Variants in KLHL2 observed in about 807,000 individuals in gnomAD.
KLHL2 encodes the protein kelch like family member 2.
In KLHL2, 15 loss-of-function variants were observed where a neutral mutation model predicts 75.8. The ratio of observed to expected loss-of-function variants is 0.20; its 90% CI spans 0.13 to 0.30. KLHL2 has a LOEUF of 0.30. KLHL2 is among the 10% of genes least tolerant of loss of function. The pLI is 1.00. For synonymous variants in KLHL2, 214 were observed against 251.9 expected (o/e 0.85, Z 1.42); for missense variants, 381 against 741.0 (o/e 0.51, Z 5.64).
At chr4:165,261,985 G>A (rs910339493) in intron 4 of KLHL2, among the ~76,000 whole-genome samples, 1 of 151,886 alleles carries the variant, frequency 6.6e-6, no homozygotes, top group African/African-American at 2.4e-5. Flanking sequence ...GTTTTTTTGT[G>A]GGGTTTCTTT....
At chr4:165,264,403 C>T (rs1290322429) in intron 5 of KLHL2, among the ~76,000 whole-genome samples, 2 of 151,462 alleles carry the variant, frequency 1.3e-5, no homozygotes, top group Non-Finnish European at 2.9e-5. Context: ...CTCCCATGTC[C>T]ATTATACCAC....
intron 4 of KLHL2, among the ~76,000 whole-genome samples, chr4:165,261,910 CTTAGATCTTTT>C (rs906221378): frequency 6.6e-6 from 1 of 152,120 alleles, no homozygotes; most frequent in African/African-American, 2.4e-5. Flanking sequence ...TCTGAAGGAA[CTTAGATCTTTT>C]TTTAATGCTA....
intron 11 of KLHL2, among the ~76,000 whole-genome samples, chr4:165,312,188 C>G (rs542439681): frequency 1.6e-4 from 24 of 152,244 alleles, no homozygotes; most frequent in African/African-American, 5.3e-4. Flanking sequence ...TGTTGTGCAG[C>G]CCGGTTCCTA....
chr4:165,250,431 T>G (rs1740613046), intron 4 of KLHL2, among the ~76,000 whole-genome samples: 1 of 152,222 alleles, frequency 6.6e-6, no homozygotes, highest in African/African-American at 2.4e-5. Context: ...TACATTAATG[T>G]GGAACAACTC....
At chr4:165,292,393 C>T (rs1040509943) in intron 5 of KLHL2, among the ~76,000 whole-genome samples, 3 of 151,878 alleles carry the variant, frequency 2.0e-5, no homozygotes, top group Admixed American at 6.6e-5. Flanking sequence ...GGTGCAGTGG[C>T]GTGATCTCGG....
chr4:165,275,317 T>G (rs1252636611), intron 5 of KLHL2, among the ~76,000 whole-genome samples: 3 of 152,132 alleles, frequency 2.0e-5, no homozygotes, highest in African/African-American at 7.2e-5. Flanking sequence ...CCTTTATTTT[T>G]AGCATTTTTT....
intron 4 of KLHL2, among the ~76,000 whole-genome samples, chr4:165,244,429 A>G (rs2111130633): frequency 6.6e-6 from 1 of 152,340 alleles, no homozygotes; most frequent in East Asian, 1.9e-4. Context: ...GAATTGGTTC[A>G]TCAGGTGAGT....
intron 5 of KLHL2, among the ~76,000 whole-genome samples, chr4:165,268,246 AT>A (rs1305071350): frequency 6.6e-6 from 1 of 151,204 alleles, no homozygotes; most frequent in Non-Finnish European, 1.5e-5. Context: ...AATTTTGTGG[AT>A]TTTTTTAAAA....
intron 1 of KLHL2, among the ~76,000 whole-genome samples, chr4:165,211,833 A>G (rs1421852311): frequency 6.6e-6 from 1 of 152,004 alleles, no homozygotes; most frequent in Non-Finnish European, 1.5e-5. Context: ...CTGGGAAATC[A>G]CTCCACCTAC....
At chr4:165,315,209 G>T (rs909611839) in intron 13 of KLHL2, among the ~76,000 whole-genome samples, 2 of 152,026 alleles carry the variant, frequency 1.3e-5, no homozygotes, top group African/African-American at 4.8e-5. Context: ...AAATTTAGTT[G>T]CAATTTGAGC....
intron 5 of KLHL2, among the ~76,000 whole-genome samples, chr4:165,286,784 G>A (rs1256145479): frequency 6.6e-6 from 1 of 152,186 alleles, no homozygotes; most frequent in Admixed American, 6.5e-5. Flanking sequence ...CCAAACATAG[G>A]GATGTTAACC....
chr4:165,284,736 G>C (rs763365829), intron 5 of KLHL2, among the ~76,000 whole-genome samples: 1 of 152,068 alleles, frequency 6.6e-6, no homozygotes, highest in Non-Finnish European at 1.5e-5. Context: ...CCAATTTACT[G>C]TACTGGTTCA....
chr4:165,211,228 T>C (rs1163303193), intron 1 of KLHL2, among the ~76,000 whole-genome samples: 1 of 152,216 alleles, frequency 6.6e-6, no homozygotes, highest in Non-Finnish European at 1.5e-5. Flanking sequence ...TTTTGCTAAG[T>C]AAAAGAATTA....
chr4:165,283,017 C>T (rs570911671), intron 5 of KLHL2, among the ~76,000 whole-genome samples: 1 of 151,980 alleles, frequency 6.6e-6, no homozygotes, highest in Non-Finnish European at 1.5e-5. Flanking sequence ...AGGAAGCTCC[C>T]ATTTTTAAAA....
chr4:165,278,600 G>T (rs1157976084), intron 5 of KLHL2: 6 of 1,601,820 alleles, frequency 3.7e-6, no homozygotes, highest in Non-Finnish European at 5.1e-6. Context: ...TACTTCTTTA[G>T]CAAGTTTTTC....
intron 5 of KLHL2, among the ~76,000 whole-genome samples, chr4:165,290,794 C>A (rs1274049745): frequency 6.6e-6 from 1 of 152,102 alleles, no homozygotes; most frequent in East Asian, 1.9e-4. Flanking sequence ...TGGTGAAACC[C>A]CGTCTCTACC....
chr4:165,242,771 A>G (rs1272443627), intron 4 of KLHL2, among the ~76,000 whole-genome samples: 1 of 152,202 alleles, frequency 6.6e-6, no homozygotes, highest in African/African-American at 2.4e-5. Context: ...TGCTGGGATT[A>G]TAGGCATGAG....
intron 4 of KLHL2, chr4:165,252,461 T>A (rs1296349420): frequency 2.0e-5 from 3 of 152,154 alleles, no homozygotes; most frequent in Non-Finnish European, 4.4e-5. Flanking sequence ...TTATTACCTC[T>A]TGGACCTTAA....
rs150142889 is a variant in KLHL2, at chr4:165,231,849, A to G, written c.259+2936A>G. Among the ~76,000 whole-genome samples, 829 of 152,306 alleles carry G rather than the reference A, an allele frequency of 5.4e-3. 8 individuals are homozygous for G. Among genetic ancestry groups the G allele is most frequent in the African/African-American group, 0.019 (782 of 41,558 alleles). ...TCTGCTAAGCTGTTTTTCCAAAGTTACTGTACCATTTTACATTCCTACTAG... is the reference window on the plus strand; with the variant it reads ...TCTGCTAAGCTGTTTTTCCAAAGTTGCTGTACCATTTTACATTCCTACTAG... On this transcript the variant is annotated intron_variant, in intron 3 of 14. Transcript: ENST00000226725.
Sources: gnomAD v4.1 joint callset for allele counts (sites outside exome capture counted in the v4.1 genomes callset) on GRCh38, gnomAD v4.1.1 for gene constraint, MANE v1.5 for transcripts, NCBI Gene and HGNC (gene_info 2026-07-23, HGNC 2026-07-21) for gene names.